Variants in IGF2BP3 observed in about 807,000 individuals in gnomAD.
IGF2BP3 encodes insulin-like growth factor 2 mRNA-binding protein 3.
A neutral mutation model predicts 73.8 loss-of-function variants in IGF2BP3; 9 were observed. The observed-to-expected ratio is 0.12, with a 90% CI of 0.07 to 0.21. The LOEUF (loss-of-function observed/expected upper bound fraction) is 0.21. IGF2BP3 is among the 10% of genes least tolerant of loss of function. IGF2BP3 has a pLI of 1.00. For missense variants in IGF2BP3, 542 were observed against 714.0 expected, an observed-to-expected ratio of 0.76 and a Z score of 2.75; for synonymous variants, 258 against 256.7, an observed-to-expected ratio of 1.01 and a Z score of -0.05.
intron 3 of IGF2BP3, among the ~76,000 whole-genome samples, chr7:23,377,472 T>C (rs1691300654): frequency 6.6e-6 from 1 of 152,250 alleles, no homozygotes; most frequent in South Asian, 2.1e-4. Flanking sequence ...AGACAAATAA[T>C]AACAAGTGTT....
intron 2 of IGF2BP3, among the ~76,000 whole-genome samples, chr7:23,460,371 T>C (rs1442393162): frequency 1.3e-5 from 2 of 150,032 alleles, no homozygotes; most frequent in Non-Finnish European, 3.0e-5. Flanking sequence ...CTACTAAATA[T>C]ACAAAAAAAA....
At chr7:23,467,771 C>T (rs1359665878) in intron 2 of IGF2BP3, 3 of 153,086 alleles carry the variant, frequency 2.0e-5, no homozygotes, top group African/African-American at 7.2e-5. Flanking sequence ...ATACTACACA[C>T]ATGATCTCGG....
chr7:23,417,826 A>C (rs925453496), intron 3 of IGF2BP3, among the ~76,000 whole-genome samples: 1 of 152,156 alleles, frequency 6.6e-6, no homozygotes, highest in Non-Finnish European at 1.5e-5. Flanking sequence ...TCCATCTATA[A>C]AGTATATTTT....
intron 10 of IGF2BP3, among the ~76,000 whole-genome samples, chr7:23,320,938 ACT>A (rs903901249): frequency 1.5e-5 from 2 of 136,904 alleles, no homozygotes; most frequent in South Asian, 2.5e-4. Context: ...TGAGAGTGAA[ACT>A]CTGTCTCAAA....
intron 10 of IGF2BP3, among the ~76,000 whole-genome samples, chr7:23,320,158 C>T (rs369203945): frequency 5.3e-5 from 8 of 152,084 alleles, no homozygotes; most frequent in African/African-American, 1.4e-4. Context: ...ATGATCCACC[C>T]GCCTTGGCCT....
At chr7:23,323,242 A>G (rs1784207159) in intron 10 of IGF2BP3, among the ~76,000 whole-genome samples, 1 of 151,446 alleles carries the variant, frequency 6.6e-6, no homozygotes. Flanking sequence ...AAGCAAATGG[A>G]AAACAAAAAA....
chr7:23,331,646 G>A (rs1239404611), intron 10 of IGF2BP3, among the ~76,000 whole-genome samples: 1 of 152,136 alleles, frequency 6.6e-6, no homozygotes, highest in Non-Finnish European at 1.5e-5. Flanking sequence ...GATCACCTGA[G>A]GTCAGGAGTT....
intron 3 of IGF2BP3, among the ~76,000 whole-genome samples, chr7:23,406,418 C>G (rs765604033): frequency 2.0e-5 from 3 of 152,150 alleles, no homozygotes; most frequent in Non-Finnish European, 4.4e-5. Flanking sequence ...AAGCCGTGGA[C>G]TCCCACGGTG....
chr7:23,442,350 T>C (rs541431960), intron 2 of IGF2BP3, among the ~76,000 whole-genome samples: 2 of 152,288 alleles, frequency 1.3e-5, no homozygotes, highest in South Asian at 2.1e-4. Flanking sequence ...AACGGATTAA[T>C]GTCATCTTAG....
rs368608977 is a variant in IGF2BP3 at position 23,346,878 on chromosome 7, G to A, written c.818+722C>T. Among the ~76,000 whole-genome samples, 44 of 152,072 alleles carry A rather than the reference G, an allele frequency of 2.9e-4. No homozygotes were observed. The East Asian group carries it at 5.6e-3, about 19-fold the overall frequency. ...AGTGCTGGGATTACAGGCATGAGTCGCCACACCAGGCCTATTTTTCTCTAT... is the reference window on the plus strand; with the variant it reads ...AGTGCTGGGATTACAGGCATGAGTCACCACACCAGGCCTATTTTTCTCTAT... On this transcript the variant is annotated intron_variant, in intron 7 of 14. Transcript: ENST00000258729.
At chr7:23,396,023 C>T (rs1377796949) in intron 3 of IGF2BP3, among the ~76,000 whole-genome samples, 4 of 143,056 alleles carry the variant, frequency 2.8e-5, no homozygotes, top group South Asian at 2.3e-4. Context: ...CCCACCCCTA[C>T]ACAAAAAAAT....
At chr7:23,415,706 C>CT (rs1465985207) in intron 3 of IGF2BP3, 5 of 164,630 alleles carry the variant, frequency 3.0e-5, no homozygotes, top group African/African-American at 1.2e-4. Context: ...GCTCAGAAAT[C>CT]TAAGTCTCAG....
intron 3 of IGF2BP3, among the ~76,000 whole-genome samples, chr7:23,378,866 C>T (rs1248663647): frequency 6.6e-6 from 1 of 152,108 alleles, no homozygotes; most frequent in Admixed American, 6.5e-5. Context: ...GCCACCGTGC[C>T]TGGCCTTCTC....
chr7:23,322,965 T>A (rs958913909), intron 10 of IGF2BP3, among the ~76,000 whole-genome samples: 13 of 151,972 alleles, frequency 8.6e-5, no homozygotes, highest in Non-Finnish European at 1.8e-4. Flanking sequence ...CACTGCAAAA[T>A]CATGCCAAAA....
At chr7:23,322,796 C>T (rs1280506241) in intron 10 of IGF2BP3, among the ~76,000 whole-genome samples, 1 of 152,100 alleles carries the variant, frequency 6.6e-6, no homozygotes, top group Admixed American at 6.6e-5. Flanking sequence ...AATTTTCAAC[C>T]CAGAATTTCA....
At position 23,312,416 on chromosome 7, in the gene IGF2BP3, C is replaced by G. The variant is rs1288049902; in HGVS notation, c.1686G>C (p.Gln562His). 6.2e-7 allele frequency: 1 copy of G among 1,613,840 alleles called. No individual in the cohort carries two copies. Among genetic ancestry groups the G allele is most frequent in the Admixed American group, 1.7e-5 (1 of 60,014 alleles). The change falls in exon 15 of 15, where the codon CAG becomes CAC. Residue 562 changes from glutamine (Q) to histidine (H), a missense_variant. Transcript: ENST00000258729. ...KIQEILTQVK[Q>H]HQQQKALQSG... Reference sequence around the variant, plus strand: ...TTTGCAGAGCCTTCTGTTGTTGGTGCTGCTTTACCTGAGTCAGAATTTCCT... The same window carrying G: ...TTTGCAGAGCCTTCTGTTGTTGGTGGTGCTTTACCTGAGTCAGAATTTCCT...
intron 2 of IGF2BP3, among the ~76,000 whole-genome samples, chr7:23,430,526 A>G (rs1220408567): frequency 6.6e-6 from 1 of 152,356 alleles, no homozygotes. Context: ...TTTTCATTCC[A>G]GCTGTGCCGA....
chr7:23,317,561 A>G, intron 12 of IGF2BP3, 78 bp downstream of exon 12: 2 of 1,041,950 alleles, frequency 1.9e-6, no homozygotes, highest in Non-Finnish European at 3.0e-6. Context: ...ATTTAGACAT[A>G]TTTAAGGGAG....
chr7:23,397,816 T>G (rs933019849), intron 3 of IGF2BP3, among the ~76,000 whole-genome samples: 2 of 152,190 alleles, frequency 1.3e-5, no homozygotes, highest in Admixed American at 1.3e-4. Flanking sequence ...TACCTCCTAA[T>G]GCTTAAAAAC....
Sources: gnomAD v4.1 joint callset for allele counts (sites outside exome capture counted in the v4.1 genomes callset) on GRCh38, gnomAD v4.1.1 for gene constraint, MANE v1.5 for transcripts, NCBI Gene and HGNC (gene_info 2026-07-23, HGNC 2026-07-21) for gene names.